ATXN2: variants seen among roughly 807,000 people sequenced by gnomAD.
The protein encoded by ATXN2 is ataxin 2.
Under a neutral mutation model 138.6 loss-of-function variants are expected in ATXN2, and 37 were observed. The observed-to-expected ratio is 0.27, with a 90% confidence interval of 0.21 to 0.35. The LOEUF is 0.35. Among genes scored for constraint, ATXN2 ranks in the 10% least tolerant of loss-of-function variants. The pLI is 1.00. For synonymous variants in ATXN2, 549 were observed against 543.7 expected, an observed-to-expected ratio of 1.01 and a Z score of -0.13; for missense variants, 1,216 against 1,480.3, an observed-to-expected ratio of 0.82 and a Z score of 2.93.
At chr12:111,494,274 A>G (rs1878261280) in intron 14 of ATXN2, among the ~76,000 whole-genome samples, 1 of 152,096 alleles carries the variant, frequency 6.6e-6, no homozygotes. Flanking sequence ...AGATATAAAT[A>G]AAAACAACAA....
At chr12:111,513,917 T>A (rs1180254637) in intron 10 of ATXN2, among the ~76,000 whole-genome samples, 3 of 152,232 alleles carry the variant, frequency 2.0e-5, no homozygotes, top group African/African-American at 7.2e-5. Flanking sequence ...GACTACATGA[T>A]AAAATATTTT....
intron 1 of ATXN2, among the ~76,000 whole-genome samples, chr12:111,586,722 T>C (rs893427601): frequency 3.3e-5 from 5 of 151,878 alleles, no homozygotes; most frequent in Admixed American, 6.6e-5. Context: ...GGTTTCACCA[T>C]GTTGGCCAGA....
At chr12:111,497,661 A>T (rs1354552213) in intron 14 of ATXN2, among the ~76,000 whole-genome samples, 2 of 151,350 alleles carry the variant, frequency 1.3e-5, no homozygotes, top group South Asian at 2.1e-4. Flanking sequence ...GTATGATATA[A>T]ATATATATCA....
chr12:111,483,406 T>C (rs1877397743), intron 18 of ATXN2, among the ~76,000 whole-genome samples: 1 of 125,478 alleles, frequency 8.0e-6, no homozygotes, highest in Non-Finnish European at 1.6e-5. Flanking sequence ...AATTAACTGG[T>C]TGGCAAAAAA....
chr12:111,556,118 G>C (rs963122010), intron 1 of ATXN2, among the ~76,000 whole-genome samples, 199 bp from the exon 2 acceptor site: 1 of 152,106 alleles, frequency 6.6e-6, no homozygotes, highest in Admixed American at 6.5e-5. Flanking sequence ...ACAGGTAGGG[G>C]TCATAGAAGG....
At chr12:111,509,695 T>C (rs1189155873) in intron 13 of ATXN2, 76 bp from the exon 14 acceptor site, 12 of 978,334 alleles carry the variant, frequency 1.2e-5, no homozygotes, top group African/African-American at 1.7e-5. Flanking sequence ...TATGAGATGA[T>C]AGAAATTAGA....
chr12:111,505,773 A>T (rs752824842), intron 14 of ATXN2, among the ~76,000 whole-genome samples: 3 of 150,348 alleles, frequency 2.0e-5, no homozygotes, highest in Non-Finnish European at 4.5e-5. Flanking sequence ...TATCTTGGCA[A>T]ATAGCTTGGT....
Position 111,599,169 on chromosome 12 carries a change from C to A in ATXN2, c.-135G>T. On this transcript the variant is annotated 5_prime_UTR_variant, in exon 1 of 25. Transcript: ENST00000673436. Reference sequence around the variant, plus strand: ...GCGCGGGTTGGCGCGGCCGGAGGGGCGCCCGGGCTGGCGAGGGGGAGAAGG... The same window carrying A: ...GCGCGGGTTGGCGCGGCCGGAGGGGAGCCCGGGCTGGCGAGGGGGAGAAGG... The A allele has an allele frequency of 8.3e-7, 1 of 1,204,492 alleles. No homozygotes were observed. Among genetic ancestry groups the A allele is most frequent in the Non-Finnish European group, 1.0e-6 (1 of 971,362 alleles). 74.6% of individuals were successfully genotyped at this position (1,204,492 alleles called of 1,614,324 possible).
intron 1 of ATXN2, among the ~76,000 whole-genome samples, chr12:111,572,634 C>T (rs1566072529): frequency 6.6e-6 from 1 of 152,156 alleles, no homozygotes; most frequent in Non-Finnish European, 1.5e-5. Flanking sequence ...TGTACAACCT[C>T]CTGATATTGT....
chr12:111,540,696 C>CT (rs11462759), intron 5 of ATXN2, among the ~76,000 whole-genome samples: 2,196 of 126,240 alleles, frequency 0.017, 78 homozygotes, highest in African/African-American at 0.044. Flanking sequence ...ACGTCTAAGT[C>CT]TTTTTTTTTT....
intron 14 of ATXN2, among the ~76,000 whole-genome samples, chr12:111,496,261 G>C (rs993271862): frequency 5.3e-5 from 8 of 152,132 alleles, no homozygotes; most frequent in African/African-American, 1.9e-4. Context: ...GCCGGGCACG[G>C]TGGCTCATGC....
chr12:111,491,489 C>G (rs1260579912), intron 14 of ATXN2, among the ~76,000 whole-genome samples: 1 of 152,082 alleles, frequency 6.6e-6, no homozygotes, highest in Non-Finnish European at 1.5e-5. Context: ...CCAGGTACCA[C>G]AGCTCACAGC....
chr12:111,500,607 G>A (rs1878702309), intron 14 of ATXN2, among the ~76,000 whole-genome samples: 1 of 152,218 alleles, frequency 6.6e-6, no homozygotes, highest in Admixed American at 6.5e-5. Context: ...GGGCACGGTG[G>A]CTCACGCCTG....
intron 5 of ATXN2, among the ~76,000 whole-genome samples, chr12:111,545,190 C>G (rs1249656467): frequency 2.0e-5 from 3 of 151,894 alleles, no homozygotes; most frequent in Admixed American, 6.6e-5. Context: ...AAAAAGAATC[C>G]TTTTTAGGAT....
chr12:111,488,468 T>C lies in ATXN2; in HGVS notation c.2240+8A>G. The C allele has an allele frequency of 1.2e-6, 2 of 1,600,790 alleles. No homozygotes were observed. Among genetic ancestry groups the C allele is most frequent in the Non-Finnish European group, 1.7e-6 (2 of 1,173,350 alleles). On this transcript the variant is annotated splice_region_variant and intron_variant, in intron 15 of 24. Coordinates refer to ENST00000673436, the MANE Select transcript of ATXN2 (RefSeq NM_001372574.1). ...TAACAGGATGGTCTAAGTTCCAGGT[T>C]TACTCACTCAGCTGCGTCTTTCTTC...
Position 111,516,989 on chromosome 12 carries a change from C to T in ATXN2, c.1166-626G>A, listed in dbSNP as rs1414769893. ...GAGTATCAAATGATAATATTCATTG[C>T]TATTTCAAAAAAAAAGTCTTGACCT... On this transcript the variant is annotated intron_variant, in intron 9 of 24. Transcript: ENST00000673436. This position sits in a 1 kb window ranked among gnomAD's most constrained non-coding sequence, Gnocchi z 5.0. 2.0e-5 allele frequency among the ~76,000 whole-genome samples: 3 copies of T among 151,810 alleles called. No individual in the cohort carries two copies. Among genetic ancestry groups the T allele is most frequent in the East Asian group, 3.9e-4 (2 of 5,180 alleles).
intron 18 of ATXN2, among the ~76,000 whole-genome samples, chr12:111,474,096 C>T (rs1876620155): frequency 6.6e-6 from 1 of 152,068 alleles, no homozygotes; most frequent in South Asian, 2.1e-4. Context: ...TGGCGCGCAC[C>T]TTTAGTCCCA....
Position 111,463,452 on chromosome 12 carries a change from G to A in ATXN2, c.2896+1210C>T, listed in dbSNP as rs150038981. 6.3e-4 allele frequency among the ~76,000 whole-genome samples: 96 copies of A among 152,124 alleles called. No individual in the cohort carries two copies. In the Middle Eastern group the frequency reaches 0.01, roughly 16 times the overall value. On this transcript the variant is annotated intron_variant, in intron 21 of 24. Coordinates refer to ENST00000673436, the MANE Select transcript of ATXN2 (RefSeq NM_001372574.1). ...TGGGACTACAGGTGCGTGCCACCAT[G>A]CTTTGGTAGAGATAGGGTTTCACCA...
chr12:111,585,559 C>T (rs1484776370), intron 1 of ATXN2, among the ~76,000 whole-genome samples: 1 of 151,234 alleles, frequency 6.6e-6, no homozygotes, highest in African/African-American at 2.4e-5. Context: ...GGTCCCGGCA[C>T]TTTGGGAGGC....
Sources: allele counts gnomAD v4.1 joint callset (sites outside exome capture counted in the v4.1 genomes callset), GRCh38; gene constraint gnomAD v4.1.1; non-coding constraint Gnocchi (gnomAD v3.1); transcripts MANE v1.5; gene names NCBI Gene and HGNC (gene_info 2026-07-23, HGNC 2026-07-21).